SFMBT2: variants seen among roughly 807,000 people sequenced by gnomAD.
SFMBT2 encodes the protein scm-like with four MBT domains protein 2.
A neutral mutation model predicts 110.1 loss-of-function variants in SFMBT2; 38 were observed. The observed-to-expected ratio is 0.35, with a 90% confidence interval of 0.27 to 0.45. SFMBT2 has a LOEUF of 0.45. SFMBT2 is among the 20% of genes least tolerant of loss of function. SFMBT2 has a pLI of 1.00. For synonymous variants in SFMBT2, 425 were observed against 425.4 expected (o/e 1.00, Z 0.01); for missense variants, 1,011 against 1,094.9 (o/e 0.92, Z 1.08).
At chr10:7,237,066 C>T (rs1023871251) in intron 9 of SFMBT2, among the ~76,000 whole-genome samples, 4 of 152,160 alleles carry the variant, frequency 2.6e-5, no homozygotes, top group African/African-American at 4.8e-5. Flanking sequence ...CTGGGAATAC[C>T]GCAAAACAGG....
intron 1 of SFMBT2, among the ~76,000 whole-genome samples, chr10:7,384,992 T>C (rs1032125048): frequency 8.5e-5 from 13 of 152,202 alleles, no homozygotes; most frequent in Non-Finnish European, 1.8e-4. Flanking sequence ...AAAGGCTGCC[T>C]GCCAAGGGCA....
At chr10:7,323,530 A>G (rs920094772) in intron 4 of SFMBT2, among the ~76,000 whole-genome samples, 1 of 151,866 alleles carries the variant, frequency 6.6e-6, no homozygotes, top group Non-Finnish European at 1.5e-5. Context: ...GCCATAGAAG[A>G]CAAAAGGTGT....
chr10:7,369,308 A>G (rs1023269493), intron 3 of SFMBT2, among the ~76,000 whole-genome samples: 9 of 152,254 alleles, frequency 5.9e-5, no homozygotes, highest in African/African-American at 1.9e-4. Context: ...AAAGTGAAAA[A>G]TGTTTCTCAG....
At chr10:7,392,589 A>G (rs1237349838) in intron 1 of SFMBT2, among the ~76,000 whole-genome samples, 1 of 152,134 alleles carries the variant, frequency 6.6e-6, no homozygotes, top group East Asian at 1.9e-4. Flanking sequence ...CTTCCTTCCC[A>G]TATTTAAACT....
chr10:7,182,767 A>C (rs1254460849), intron 16 of SFMBT2, among the ~76,000 whole-genome samples: 1 of 151,530 alleles, frequency 6.6e-6, no homozygotes, highest in African/African-American at 2.4e-5. Context: ...CCTAATGTTA[A>C]ATGATGAGTT....
At chr10:7,178,233 C>T (rs1838136961) in intron 16 of SFMBT2, among the ~76,000 whole-genome samples, 1 of 152,132 alleles carries the variant, frequency 6.6e-6, no homozygotes, top group Non-Finnish European at 1.5e-5. Context: ...TGTACCTTTC[C>T]TTCTCGGTTC....
At chr10:7,271,020 C>A (rs1280380651) in intron 7 of SFMBT2, among the ~76,000 whole-genome samples, 1 of 152,136 alleles carries the variant, frequency 6.6e-6, no homozygotes, top group Non-Finnish European at 1.5e-5. Context: ...CATGGTGGCT[C>A]ACGCCTATAA....
chr10:7,320,475 A>C, intron 4 of SFMBT2: 1 of 501,676 alleles, frequency 2.0e-6, no homozygotes, highest in African/African-American at 2.1e-5. Flanking sequence ...ATCCTTTGAA[A>C]TCTTCTTTCC....
chr10:7,222,851 T>C (rs1839788641), intron 10 of SFMBT2, among the ~76,000 whole-genome samples: 1 of 152,082 alleles, frequency 6.6e-6, no homozygotes, highest in Non-Finnish European at 1.5e-5. Flanking sequence ...TTTATATTTT[T>C]AGTAGAGTTG....
intron 4 of SFMBT2, among the ~76,000 whole-genome samples, chr10:7,315,096 G>GAAAGAAAGAAAT (rs1842968937): frequency 6.9e-6 from 1 of 144,928 alleles, no homozygotes; most frequent in African/African-American, 2.5e-5. Flanking sequence ...AAGAAAGAAA[G>GAAAGAAAGAAAT]AAAGAAAGAA....
chr10:7,344,958 CAAAAAA>C (rs35145669), intron 4 of SFMBT2, among the ~76,000 whole-genome samples: 572 of 53,240 alleles, frequency 0.011, 4 homozygotes, highest in Middle Eastern at 0.07. Flanking sequence ...GACTCTGTCT[CAAAAAA>C]AAAAAAAAAA....
chr10:7,218,888 A>G (rs1338409798), intron 11 of SFMBT2, among the ~76,000 whole-genome samples: 1 of 152,228 alleles, frequency 6.6e-6, no homozygotes, highest in Non-Finnish European at 1.5e-5. Context: ...TCCACCTATA[A>G]AAATCAGGAC....
At chr10:7,316,763 A>T (rs1843025606) in intron 4 of SFMBT2, among the ~76,000 whole-genome samples, 1 of 152,080 alleles carries the variant, frequency 6.6e-6, no homozygotes, top group African/African-American at 2.4e-5. Context: ...CACTTCGAGG[A>T]TTTCTCCAGG....
chr10:7,375,761 AC>A (rs1845186823), intron 2 of SFMBT2, among the ~76,000 whole-genome samples: 1 of 122,874 alleles, frequency 8.1e-6, no homozygotes, highest in Admixed American at 7.7e-5. Context: ...CCACACACAC[AC>A]ACACACACAC....
At chr10:7,216,168 G>A (rs1326683292) in intron 11 of SFMBT2, among the ~76,000 whole-genome samples, 1 of 152,250 alleles carries the variant, frequency 6.6e-6, no homozygotes, top group East Asian at 1.9e-4. Flanking sequence ...CCAAACTGCT[G>A]TGACTGCAGC....
intron 7 of SFMBT2, among the ~76,000 whole-genome samples, chr10:7,257,793 C>T (rs984873652): frequency 2.6e-5 from 4 of 152,174 alleles, no homozygotes; most frequent in Non-Finnish European, 5.9e-5. Context: ...TAGATAAATA[C>T]ATCTCACATG....
At chr10:7,331,016 C>A (rs201335902) in intron 4 of SFMBT2, among the ~76,000 whole-genome samples, 7 of 152,214 alleles carry the variant, frequency 4.6e-5, no homozygotes, top group East Asian at 1.9e-4. Context: ...CTCTGTCCCT[C>A]CCTCAATGCC....
chr10:7,241,281 T>G, intron 9 of SFMBT2: 2 of 954,616 alleles, frequency 2.1e-6, no homozygotes, highest in Non-Finnish European at 2.5e-6. Context: ...ATGAGCAGCA[T>G]GAGAACAGAC....
chr10:7,197,488 C>T, intron 15 of SFMBT2, 60 bp downstream of exon 15: 1 of 1,583,044 alleles, frequency 6.3e-7, no homozygotes, highest in Non-Finnish European at 8.6e-7. Flanking sequence ...AGAAACTGAG[C>T]CCACAGCTTT....
Sources: gnomAD v4.1 joint callset for allele counts (sites outside exome capture counted in the v4.1 genomes callset) on GRCh38, gnomAD v4.1.1 for gene constraint, MANE v1.5 for transcripts, NCBI Gene and HGNC (gene_info 2026-07-23, HGNC 2026-07-21) for gene names.